The following MREG variants were observed in gnomAD, a reference collection of about 807,000 sequenced individuals.
MREG encodes the protein melanoregulin, also known as dilute suppressor protein homolog.
A neutral mutation model predicts 28.5 loss-of-function variants in MREG; 31 were observed. That is an observed-to-expected ratio of 1.09 (90% CI 0.82 to 1.47). MREG has a LOEUF of 1.47. Among genes scored for constraint, MREG ranks in the 40% most tolerant of loss-of-function variants. MREG has a pLI of 0.00. For missense variants in MREG, 256 were observed against 257.4 expected, an observed-to-expected ratio of 0.99 and a Z score of 0.04; for synonymous variants, 106 against 95.2, an observed-to-expected ratio of 1.11 and a Z score of -0.66.
At chr2:215,983,625 AT>A (rs1396303755) in intron 2 of MREG, among the ~76,000 whole-genome samples, 1 of 152,098 alleles carries the variant, frequency 6.6e-6, no homozygotes, top group Non-Finnish European at 1.5e-5. Context: ...TGTAGTTTTA[AT>A]TTTTTGCTTT....
chr2:216,003,609 C>T (rs968435963), intron 1 of MREG, among the ~76,000 whole-genome samples: 15 of 152,180 alleles, frequency 9.9e-5, no homozygotes, highest in African/African-American at 3.6e-4. Context: ...TTCCCATCTC[C>T]GCTGGGATGT....
At chr2:215,964,840 CAGATAGAT>C (rs71935773) in intron 2 of MREG, among the ~76,000 whole-genome samples, 3,574 of 149,710 alleles carry the variant, frequency 0.024, 85 homozygotes, top group East Asian at 0.1. Flanking sequence ...GACAGACAGA[CAGATAGAT>C]AGATAGATAG....
chr2:215,965,177 A>G (rs865956440), intron 2 of MREG, among the ~76,000 whole-genome samples: 8 of 152,342 alleles, frequency 5.3e-5, no homozygotes, highest in African/African-American at 1.9e-4. Flanking sequence ...GGTATTTGCT[A>G]TGTTTCAGAT....
intron 1 of MREG, among the ~76,000 whole-genome samples, chr2:215,999,070 C>T (rs1324361964): frequency 1.3e-5 from 2 of 152,192 alleles, no homozygotes; most frequent in African/African-American, 4.8e-5. Context: ...GTAGAAGGAT[C>T]AGCTCAAGCC....
At chr2:215,980,936 A>G (rs1172744930) in intron 2 of MREG, among the ~76,000 whole-genome samples, 2 of 151,780 alleles carry the variant, frequency 1.3e-5, no homozygotes, top group African/African-American at 2.4e-5. Flanking sequence ...AGGGAAGGGA[A>G]CGGAAGAGAA....
At chr2:215,957,042 C>T (rs977286075) in intron 2 of MREG, among the ~76,000 whole-genome samples, 6 of 151,970 alleles carry the variant, frequency 3.9e-5, no homozygotes, top group Non-Finnish European at 5.9e-5. Flanking sequence ...TCTGGTTGTG[C>T]GGCTGACACA....
chr2:216,008,478 T>C (rs371116730), intron 1 of MREG, among the ~76,000 whole-genome samples: 1 of 152,256 alleles, frequency 6.6e-6, no homozygotes, highest in African/African-American at 2.4e-5. Flanking sequence ...GGCTCTCTCT[T>C]AAGCCACCCA....
intron 1 of MREG, among the ~76,000 whole-genome samples, chr2:216,030,907 C>G (rs1030465603): frequency 6.7e-6 from 1 of 150,100 alleles, no homozygotes; most frequent in Non-Finnish European, 1.5e-5. Flanking sequence ...TTTGAACACA[C>G]AAGCCCACTA....
intron 1 of MREG, among the ~76,000 whole-genome samples, chr2:216,023,109 A>G (rs1694550057): frequency 6.6e-6 from 1 of 151,990 alleles, no homozygotes. Context: ...GAACCCTGCA[A>G]CTCTCCCGGA....
chr2:216,008,978 C>T (rs1463965120), intron 1 of MREG, among the ~76,000 whole-genome samples: 1 of 152,172 alleles, frequency 6.6e-6, no homozygotes, highest in African/African-American at 2.4e-5. Flanking sequence ...GAAATCCCCA[C>T]CATAGCCCTA....
chr2:215,998,308 A>AC (rs1693923363), intron 1 of MREG, among the ~76,000 whole-genome samples: 1 of 133,732 alleles, frequency 7.5e-6, no homozygotes, highest in African/African-American at 3.1e-5. Context: ...TCCATCTCAC[A>AC]AAAAAAAAAA....
At chr2:215,987,511 C>T (rs1452537729) in intron 2 of MREG, among the ~76,000 whole-genome samples, 11 of 152,076 alleles carry the variant, frequency 7.2e-5, no homozygotes, top group Admixed American at 3.9e-4. Context: ...TCCCAAAGTG[C>T]TGGGATTACA....
At chr2:216,001,414 G>A (rs1694010225) in intron 1 of MREG, among the ~76,000 whole-genome samples, 1 of 152,162 alleles carries the variant, frequency 6.6e-6, no homozygotes, top group Non-Finnish European at 1.5e-5. Context: ...CAACCGCTGT[G>A]CCCCTGGACC....
chr2:215,980,026 G>A (rs919701604), intron 2 of MREG, among the ~76,000 whole-genome samples: 1 of 151,342 alleles, frequency 6.6e-6, no homozygotes, highest in South Asian at 2.1e-4. Flanking sequence ...ATTTCTGTCA[G>A]TAAATTATCC....
At chr2:215,987,172 A>C (rs1260236925) in intron 2 of MREG, among the ~76,000 whole-genome samples, 1 of 152,240 alleles carries the variant, frequency 6.6e-6, no homozygotes, top group Admixed American at 6.5e-5. Context: ...GAAAAAAGCA[A>C]AGTACAGAAC....
intron 2 of MREG, among the ~76,000 whole-genome samples, chr2:215,989,485 TCTC>T (rs1693666574): frequency 6.6e-6 from 1 of 151,966 alleles, no homozygotes; most frequent in East Asian, 1.9e-4. Context: ...GAATGCCTCT[TCTC>T]CTCCAAAGGA....
chr2:216,031,625 G>T (rs1195593446), intron 1 of MREG, among the ~76,000 whole-genome samples: 3 of 122,308 alleles, frequency 2.5e-5, no homozygotes, highest in Non-Finnish European at 5.2e-5. Context: ...AGAAAGAAAG[G>T]AACAAGGAAG....
At position 216,031,235 on chromosome 2, in the gene MREG, C is replaced by T. The variant is rs186254125; in HGVS notation, c.-68+1554G>A. On this transcript the variant is annotated intron_variant, in intron 1 of 3. Transcript: ENST00000420348. ...CAGCCTGGCCAACACGGTGAAACCT[C>T]ATCTCTACTAAAAATACAAAAATTA... is the stretch of plus-strand genomic sequence containing the variant. 1.8e-3 allele frequency among the ~76,000 whole-genome samples: 269 copies of T among 151,762 alleles called. 1 individual carries two copies. The highest frequency in any genetic ancestry group is 6.1e-3 in the African/African-American group (252 of 41,392).
rs1491145476 is a variant in MREG at position 215,949,069 on chromosome 2, C to CTAATAATAA, written c.256-1957_256-1956insTTATTATTA. ...ACTACTACTACTACTACTACTACTA[C>CTAATAATAA]TACTACTACTACTACTACTAATAAT... On this transcript the variant is annotated intron_variant, in intron 2 of 4. Coordinates refer to ENST00000263268, the MANE Select transcript of MREG (RefSeq NM_018000.3). Among the ~76,000 whole-genome samples, 10 of 131,096 alleles carry CTAATAATAA rather than the reference C, an allele frequency of 7.6e-5. No homozygotes were observed. In the East Asian group the frequency reaches 9.2e-4, roughly 12 times the overall value. 86.0% of individuals were successfully genotyped at this position (131,096 alleles called of 152,430 possible). A position where few individuals can be genotyped will look rare whatever the true frequency, so the allele number is the denominator to read the frequency against.
Sources: gnomAD v4.1 joint callset for allele counts (sites outside exome capture counted in the v4.1 genomes callset) on GRCh38, gnomAD v4.1.1 for gene constraint, MANE v1.5 for transcripts, NCBI Gene and HGNC (gene_info 2026-07-23, HGNC 2026-07-21) for gene names.